Variants in PREPL observed in about 807,000 individuals in gnomAD.
PREPL encodes the protein prolyl endopeptidase-like.
PREPL carries 77 observed loss-of-function variants against 70.6 expected under a neutral mutation model. The ratio of observed to expected loss-of-function variants is 1.09; its 90% CI spans 0.91 to 1.32. The LOEUF is 1.32. Among genes scored for constraint, PREPL ranks in the 40% most tolerant of loss-of-function variants. PREPL has a pLI of 0.00. For synonymous variants in PREPL, 315 were observed against 264.8 expected (o/e 1.19, Z -1.84); for missense variants, 1,002 against 778.2 (o/e 1.29, Z -3.42).
At chr2:44,341,781 C>T (rs1247539783) in intron 5 of PREPL, among the ~76,000 whole-genome samples, 3 of 151,234 alleles carry the variant, frequency 2.0e-5, no homozygotes, top group Admixed American at 6.6e-5. Flanking sequence ...GGTGTATTTC[C>T]TTTCAATCTT....
chr2:44,324,915 AAAC>A (rs1673344315), intron 10 of PREPL, among the ~76,000 whole-genome samples: 1 of 152,108 alleles, frequency 6.6e-6, no homozygotes, highest in Admixed American at 6.6e-5. Flanking sequence ...CAAAACAAAA[AAAC>A]AAAAACCCCA....
chr2:44,329,584 G>A (rs183102882), intron 8 of PREPL, among the ~76,000 whole-genome samples: 16 of 152,158 alleles, frequency 1.1e-4, no homozygotes, highest in Non-Finnish European at 2.2e-4. Flanking sequence ...TCTGTAGTCG[G>A]AATTCTCAAC....
Position 44,321,860 on chromosome 2 carries a change from T to A in PREPL, c.1794A>T (p.Gly598=), listed in dbSNP as rs1377451871. Residue 598 remains glycine (G), a synonymous_variant, in exon 13 of 14, where the codon GGA becomes GGT. Transcript: ENST00000409411. Reference sequence around the variant, plus strand: ...GAGAATCCTCAATTACATGATTGCCTCCAGGCTGAATATCTAGAATAATAT... The same window carrying A: ...GAGAATCCTCAATTACATGATTGCCACCAGGCTGAATATCTAGAATAATAT... ...TPNIILDIQP[G]GNHVIEDSHK... is the part of the protein sequence containing the mutation. The A allele has an allele frequency of 6.2e-7, 1 of 1,613,756 alleles. No individual in the cohort carries two copies. Among genetic ancestry groups the A allele is most frequent in the Admixed American group, 1.7e-5 (1 of 60,002 alleles).
At chr2:44,329,713 T>G (rs968454916) in intron 8 of PREPL, among the ~76,000 whole-genome samples, 1 of 152,200 alleles carries the variant, frequency 6.6e-6, no homozygotes, top group African/African-American at 2.4e-5. Context: ...TAAAATTCTT[T>G]GTAGGGTTAA....
chr2:44,351,081 G>A (rs1452342214), intron 1 of PREPL, among the ~76,000 whole-genome samples: 3 of 147,970 alleles, frequency 2.0e-5, no homozygotes, highest in Admixed American at 6.7e-5. Context: ...TGCTCACCAC[G>A]CTGGCTAATT....
At chr2:44,347,772 G>T (rs1675986829) in intron 1 of PREPL, among the ~76,000 whole-genome samples, 1 of 152,148 alleles carries the variant, frequency 6.6e-6, no homozygotes, top group South Asian at 2.1e-4. Context: ...CCAACAGCTG[G>T]AAAGTATTTA....
chr2:44,338,942 C>G (rs191839916), intron 6 of PREPL, among the ~76,000 whole-genome samples: 1 of 152,166 alleles, frequency 6.6e-6, no homozygotes, highest in African/African-American at 2.4e-5. Flanking sequence ...AAACTCAGGA[C>G]AGAATATGTT....
chr2:44,323,548 A>C, intron 10 of PREPL, 137 bp from the exon 11 acceptor site: 2 of 631,704 alleles, frequency 3.2e-6, no homozygotes, highest in Non-Finnish European at 5.0e-6. Flanking sequence ...AGGAGCTAGA[A>C]TACTCAGTCC....
rs1289344958 is a variant in PREPL, at chr2:44,318,857, T to C, written c.*2499A>G. Reference sequence around the variant, plus strand: ...CAATTTTCAAAAATTGATAAAACATTCCACCAAAAATCATGACTACGCATC... The same window carrying C: ...CAATTTTCAAAAATTGATAAAACATCCCACCAAAAATCATGACTACGCATC... On this transcript the variant is annotated 3_prime_UTR_variant, in exon 14 of 14. Coordinates refer to ENST00000409411, the MANE Select transcript of PREPL (RefSeq NM_001171613.2). The C allele has an allele frequency of 6.6e-6, 1 of 152,120 alleles. No individual in the cohort carries two copies. The highest frequency in any genetic ancestry group is 1.5e-5 in the Non-Finnish European group (1 of 68,014). The allele number at this position is 152,120 out of a possible 1,614,324, so 9.4% of individuals were successfully genotyped here. A position where few individuals can be genotyped will look rare whatever the true frequency, so the allele number is the denominator to read the frequency against.
intron 5 of PREPL, 109 bp from the exon 6 acceptor site, chr2:44,339,472 G>C (rs1179170631): frequency 7.1e-7 from 1 of 1,416,628 alleles, no homozygotes; most frequent in Non-Finnish European, 9.3e-7. Context: ...TTATAATGCA[G>C]ATAGGAAATT....
chr2:44,346,226 G>T, intron 2 of PREPL, 42 bp downstream of exon 2: 1 of 1,545,880 alleles, frequency 6.5e-7, no homozygotes, highest in Non-Finnish European at 8.9e-7. Flanking sequence ...ATCTTGATTG[G>T]TAATATCAAA....
Position 44,324,381 on chromosome 2 carries a change from T to C in PREPL, c.1480-970A>G, listed in dbSNP as rs1028401186. Among the ~76,000 whole-genome samples, 5 of 152,260 alleles carry C rather than the reference T, an allele frequency of 3.3e-5. No homozygotes were observed. The East Asian group carries it at 9.7e-4, about 29-fold the overall frequency. On this transcript the variant is annotated intron_variant, in intron 10 of 13. Coordinates refer to ENST00000409411, the MANE Select transcript of PREPL (RefSeq NM_001171613.2). ...TACTGAACTATTCACTTAAAAATGGTTGAGATGGTAAATTTTATGGTATTT... is the reference window on the plus strand; with the variant it reads ...TACTGAACTATTCACTTAAAAATGGCTGAGATGGTAAATTTTATGGTATTT...
intron 7 of PREPL, among the ~76,000 whole-genome samples, chr2:44,333,025 T>C (rs767825785): frequency 3.9e-5 from 6 of 152,060 alleles, no homozygotes; most frequent in Admixed American, 1.3e-4. Flanking sequence ...ACTGCCAAGA[T>C]CTCTGTTCTC....
chr2:44,350,421 GGAATAGA>G lies in PREPL; in HGVS notation c.-48-4038_-48-4032del, dbSNP rs1443994661. Among the ~76,000 whole-genome samples, 32 of 152,102 alleles carry G rather than the reference GGAATAGA, an allele frequency of 2.1e-4. No individual in the cohort carries two copies. The South Asian group carries it at 5.6e-3, about 27-fold the overall frequency. The stretch of plus-strand genomic sequence containing the variant: ...AAAAAAATGATAAAACCTTAAATTA[GGAATAGA>G]GAGGAACTTCCTTAATAGTTTCTGT... On this transcript the variant is annotated intron_variant, in intron 1 of 13. Coordinates refer to ENST00000409411, the MANE Select transcript of PREPL (RefSeq NM_001171613.2).
At chr2:44,321,669 G>C in intron 13 of PREPL, 158 bp downstream of exon 13, 4 of 1,536,234 alleles carry the variant, frequency 2.6e-6, no homozygotes, top group Non-Finnish European at 3.5e-6. Context: ...CATTTCTCTT[G>C]ATTGACACAG....
Position 44,320,755 on chromosome 2 carries a change from T to C in PREPL, c.*601A>G. The C allele has an allele frequency of 1.2e-6, 1 of 866,902 alleles. No homozygotes were observed. The highest frequency in any genetic ancestry group is 1.9e-6 in the Non-Finnish European group (1 of 523,480). The allele number at this position is 866,902 out of a possible 1,614,324, so 53.7% of individuals were successfully genotyped here. ...AATCATTAATTCTTCGATATTTCTGTAGCTTGAATGTAACTGCTTTAAGAA... is the reference window on the plus strand; with the variant it reads ...AATCATTAATTCTTCGATATTTCTGCAGCTTGAATGTAACTGCTTTAAGAA... On this transcript the variant is annotated 3_prime_UTR_variant, in exon 14 of 14. Transcript: ENST00000409411.
chr2:44,334,299 A>C (rs1674416841), intron 7 of PREPL, among the ~76,000 whole-genome samples: 1 of 152,190 alleles, frequency 6.6e-6, no homozygotes, highest in Admixed American at 6.5e-5. Flanking sequence ...TCTACCAGCA[A>C]ACTATAGTTA....
At chr2:44,323,138 A>G in intron 11 of PREPL, 124 bp downstream of exon 11, 6 of 960,880 alleles carry the variant, frequency 6.2e-6, no homozygotes, top group South Asian at 1.8e-5. Flanking sequence ...GGTGCTGAAG[A>G]TATTTGGGCA....
At chr2:44,332,376 T>C in intron 8 of PREPL, 83 bp downstream of exon 8, 1 of 1,233,956 alleles carries the variant, frequency 8.1e-7, no homozygotes, top group Non-Finnish European at 1.2e-6. Context: ...ACCGTGCTAA[T>C]GTAACTCCAA....
Sources: allele counts gnomAD v4.1 joint callset (sites outside exome capture counted in the v4.1 genomes callset), GRCh38; gene constraint gnomAD v4.1.1; transcripts MANE v1.5; gene names NCBI Gene and HGNC (gene_info 2026-07-23, HGNC 2026-07-21).